Variants in SH2D4A observed in about 807,000 individuals in gnomAD.
SH2D4A encodes SH2 domain containing 4A.
Under a neutral mutation model 64.7 loss-of-function variants are expected in SH2D4A, and 70 were observed. The ratio of observed to expected loss-of-function variants is 1.08; its 90% CI spans 0.89 to 1.32. The LOEUF is 1.32. SH2D4A is among the 40% of genes most tolerant of loss of function. The pLI is 0.00. For synonymous variants in SH2D4A, 268 were observed against 200.7 expected (o/e 1.34, Z -2.83); for missense variants, 706 against 540.1 (o/e 1.31, Z -3.04).
At chr8:19,366,335 T>G (rs2052993851) in intron 7 of SH2D4A, among the ~76,000 whole-genome samples, 1 of 152,176 alleles carries the variant, frequency 6.6e-6, no homozygotes, top group Non-Finnish European at 1.5e-5. Context: ...TTTGGCTGTT[T>G]TGAAGTATGT....
At chr8:19,344,628 A>T (rs971663924) in intron 4 of SH2D4A, among the ~76,000 whole-genome samples, 1 of 152,142 alleles carries the variant, frequency 6.6e-6, no homozygotes, top group South Asian at 2.1e-4. Context: ...CCTGCATAAC[A>T]TAACAGATTT....
At chr8:19,319,959 C>G (rs1454553307) in intron 2 of SH2D4A, among the ~76,000 whole-genome samples, 2 of 152,166 alleles carry the variant, frequency 1.3e-5, no homozygotes, top group African/African-American at 2.4e-5. Context: ...TACTTGAAAC[C>G]AGACTAACCT....
chr8:19,347,111 G>C (rs969663090), intron 4 of SH2D4A, among the ~76,000 whole-genome samples: 2 of 152,220 alleles, frequency 1.3e-5, no homozygotes, highest in Non-Finnish European at 2.9e-5. Flanking sequence ...AGGAACCTCT[G>C]AAGTGATGCT....
rs202239455 is a variant in SH2D4A at position 19,333,034 on chromosome 8, T to C, written c.261T>C (p.Asp87=). 4 of 1,613,988 alleles carry C rather than the reference T, an allele frequency of 2.5e-6. No individual in the cohort carries two copies. Among genetic ancestry groups the C allele is most frequent in the African/African-American group, 1.3e-5 (1 of 74,910 alleles). ...GGGTGATGGGCGAACACCATCTAGA[T>C]AAACCCTATGATGTGCTCTGTAATG... ...WVWVMGEHHL[D]KPYDVLCNEI... The change falls in exon 3 of 10, where the codon GAT becomes GAC. Residue 87 remains aspartate, a synonymous_variant. Coordinates refer to ENST00000265807, the MANE Select transcript of SH2D4A (RefSeq NM_022071.4).
chr8:19,372,462 C>T (rs1398064853), intron 7 of SH2D4A, among the ~76,000 whole-genome samples: 1 of 152,172 alleles, frequency 6.6e-6, no homozygotes, highest in Non-Finnish European at 1.5e-5. Context: ...GGAATGGATA[C>T]TTCCTTGGCT....
intron 4 of SH2D4A, among the ~76,000 whole-genome samples, chr8:19,346,194 T>C (rs1383178583): frequency 6.6e-6 from 1 of 152,220 alleles, no homozygotes; most frequent in Non-Finnish European, 1.5e-5. Flanking sequence ...CCCTGATACT[T>C]GGGGCAGTAT....
intron 6 of SH2D4A, chr8:19,363,819 C>T (rs183268628): frequency 4.1e-5 from 21 of 513,712 alleles, no homozygotes; most frequent in Admixed American, 1.0e-4. Context: ...CTCTCTCATC[C>T]CTTCTTCCTC....
chr8:19,313,952 C>T lies in SH2D4A; in HGVS notation c.-205+129C>T, dbSNP rs922399541. 9.4e-5 allele frequency: 120 copies of T among 1,275,278 alleles called. 1 individual carries two copies. The highest frequency in any genetic ancestry group is 5.8e-4 in the Middle Eastern group (2 of 3,422). 79.0% of individuals were successfully genotyped at this position (1,275,278 alleles called of 1,614,324 possible). A position where few individuals can be genotyped will look rare whatever the true frequency, so the allele number is the denominator to read the frequency against. ...GGGGCCAGAGCGGGCGGGCGGAAGC[C>T]TCACCCCCGCCTCCACCCCTTCGCG... On this transcript the variant is annotated intron_variant, in intron 1 of 9. Transcript: ENST00000265807.
chr8:19,381,046 GT>G (rs869149766), intron 8 of SH2D4A, among the ~76,000 whole-genome samples: 221 of 143,400 alleles, frequency 1.5e-3, no homozygotes, highest in South Asian at 1.6e-3. Flanking sequence ...ATGTTTTGTA[GT>G]TTTTTTTTTT....
At chr8:19,368,620 C>CTTTTTTTT (rs34764005) in intron 7 of SH2D4A, among the ~76,000 whole-genome samples, 3 of 136,336 alleles carry the variant, frequency 2.2e-5, no homozygotes, top group Non-Finnish European at 3.1e-5. Context: ...AATAAAATTG[C>CTTTTTTTT]TTTTTTTTTT....
At chr8:19,316,229 A>G (rs1297665278) in intron 1 of SH2D4A, among the ~76,000 whole-genome samples, 1 of 152,254 alleles carries the variant, frequency 6.6e-6, no homozygotes, top group Non-Finnish European at 1.5e-5. Context: ...TCTTGGAGGC[A>G]CAAGGAAGCC....
At chr8:19,364,323 A>G (rs781294676) in intron 7 of SH2D4A, 41 bp downstream of exon 7, 18 of 1,604,274 alleles carry the variant, frequency 1.1e-5, no homozygotes, top group East Asian at 2.2e-5. Context: ...AAACATTGCA[A>G]TGGGCTTTGA....
intron 2 of SH2D4A, among the ~76,000 whole-genome samples, chr8:19,325,918 C>T (rs1451416177): frequency 1.3e-5 from 2 of 152,160 alleles, no homozygotes; most frequent in Non-Finnish European, 2.9e-5. Context: ...CGGGGCTAGA[C>T]CTAGCGTTTT....
At chr8:19,326,659 TGTGA>T (rs984141793) in intron 2 of SH2D4A, among the ~76,000 whole-genome samples, 1 of 152,008 alleles carries the variant, frequency 6.6e-6, no homozygotes, top group Non-Finnish European at 1.5e-5. Flanking sequence ...TGTGTGTATG[TGTGA>T]GTGTGTGTGT....
In SH2D4A at chr8:19,319,359, T is replaced by G; in HGVS notation, c.-189T>G. On this transcript the variant is annotated 5_prime_UTR_variant, in exon 2 of 10. Transcript: ENST00000265807. ...CTCTCTGCAGGTTCAGTGAACAGCA[T>G]TTTGGACAGGACATTTGGTGCCAGG... The G allele has an allele frequency of 8.0e-7, 1 of 1,243,034 alleles. No homozygotes were observed. The highest frequency in any genetic ancestry group is 1.0e-6 in the Non-Finnish European group (1 of 992,332). The allele number at this position is 1,243,034 out of a possible 1,614,324, so 77.0% of individuals were successfully genotyped here.
intron 7 of SH2D4A, among the ~76,000 whole-genome samples, chr8:19,367,100 G>A (rs1324613202): frequency 2.6e-5 from 4 of 151,626 alleles, no homozygotes; most frequent in Non-Finnish European, 4.4e-5. Context: ...TACTTTTTAT[G>A]TCTGAATAAT....
chr8:19,331,216 A>C (rs78571798), intron 2 of SH2D4A, among the ~76,000 whole-genome samples: 7,904 of 152,328 alleles, frequency 0.052, 291 homozygotes, highest in South Asian at 0.079. Flanking sequence ...GCCACAGTAC[A>C]AAAGTCAAGA....
At chr8:19,326,347 G>T (rs1285778820) in intron 2 of SH2D4A, among the ~76,000 whole-genome samples, 1 of 152,222 alleles carries the variant, frequency 6.6e-6, no homozygotes, top group African/African-American at 2.4e-5. Flanking sequence ...GGGAACCGGG[G>T]TGTCCCAAAG....
chr8:19,376,425 C>A (rs2053196822), intron 8 of SH2D4A, among the ~76,000 whole-genome samples: 1 of 152,110 alleles, frequency 6.6e-6, no homozygotes, highest in Non-Finnish European at 1.5e-5. Context: ...AGTTTGAGAC[C>A]AGCCTGACCA....
Sources: allele counts gnomAD v4.1 joint callset (sites outside exome capture counted in the v4.1 genomes callset), GRCh38; gene constraint gnomAD v4.1.1; transcripts MANE v1.5; gene names NCBI Gene and HGNC (gene_info 2026-07-23, HGNC 2026-07-21).